C5orf34: variants seen among roughly 807,000 people sequenced by gnomAD.
C5orf34 encodes the protein uncharacterized protein C5orf34.
Under a neutral mutation model 78.4 loss-of-function variants are expected in C5orf34, and 73 were observed. The observed-to-expected ratio is 0.93, with a 90% CI of 0.77 to 1.13. The LOEUF (loss-of-function observed/expected upper bound fraction) is 1.13, where lower values mean the gene tolerates loss of function less well. C5orf34 is among the 50% of genes most tolerant of loss of function. The pLI, the probability that C5orf34 is intolerant of heterozygous loss-of-function variation, is 0.00. For synonymous variants in C5orf34, 251 were observed against 246.6 expected (o/e 1.02, Z -0.17); for missense variants, 730 against 732.7 (o/e 1.00, Z 0.04).
At chr5:43,496,328 C>T (rs1745518886) in intron 6 of C5orf34, 1 of 1,587,254 alleles carries the variant, frequency 6.3e-7, no homozygotes. Flanking sequence ...GCCTCCTTCT[C>T]AAATTTTTCA....
At chr5:43,495,450 T>G in intron 6 of C5orf34, 5 of 1,610,730 alleles carry the variant, frequency 3.1e-6, no homozygotes, top group Admixed American at 1.7e-5. Context: ...AAGTCAGCTG[T>G]TTCCATTGGT....
chr5:43,505,224 TC>T (rs1181322873), intron 4 of C5orf34, among the ~76,000 whole-genome samples: 1 of 152,236 alleles, frequency 6.6e-6, no homozygotes, highest in African/African-American at 2.4e-5. Context: ...CAGAAGCCAC[TC>T]CGTGTGTACC....
chr5:43,503,626 G>T, intron 5 of C5orf34, 39 bp downstream of exon 5: 1 of 1,300,728 alleles, frequency 7.7e-7, no homozygotes, highest in Non-Finnish European at 1.1e-6. Context: ...TCAATAAACA[G>T]CTCTAACTCC....
chr5:43,506,248 T>G lies in C5orf34; in HGVS notation c.432A>C (p.Thr144=), dbSNP rs1189197067. ...LCLPRSQHEF[T]VHFLCKVSQK... ...GGCTAACTTTACACAAAAAATGTACTGTAAATTCATGCTGAGATCTGGGCA... is the reference window on the plus strand; with the variant it reads ...GGCTAACTTTACACAAAAAATGTACGGTAAATTCATGCTGAGATCTGGGCA... Residue 144 remains threonine (T), a synonymous_variant, in exon 4 of 13, where the codon ACA becomes ACC. Transcript: ENST00000306862. The G allele has an allele frequency of 6.2e-7, 1 of 1,614,200 alleles. No individual in the cohort carries two copies. Among genetic ancestry groups the G allele is most frequent in the Admixed American group, 1.7e-5 (1 of 60,030 alleles).
intron 6 of C5orf34, among the ~76,000 whole-genome samples, chr5:43,498,618 A>C (rs1745639418): frequency 6.6e-6 from 1 of 152,086 alleles, no homozygotes; most frequent in South Asian, 2.1e-4. Flanking sequence ...TCAGCAATCA[A>C]TTCTGTCTCC....
At chr5:43,495,387 C>A in intron 6 of C5orf34, 1 of 1,611,744 alleles carries the variant, frequency 6.2e-7, no homozygotes, top group South Asian at 1.1e-5. Flanking sequence ...AATATAGGGG[C>A]ATAGCCAGCG....
chr5:43,512,359 C>A (rs536482950), intron 1 of C5orf34, among the ~76,000 whole-genome samples: 4 of 152,334 alleles, frequency 2.6e-5, no homozygotes, highest in Non-Finnish European at 5.9e-5. Context: ...CTATTTCCTA[C>A]CTATAAACAG....
intron 12 of C5orf34, 39 bp downstream of exon 12, chr5:43,487,870 A>C (rs765388366): frequency 6.8e-7 from 1 of 1,460,636 alleles, no homozygotes; most frequent in African/African-American, 1.4e-5. Flanking sequence ...AATGAAAGAG[A>C]GTAATTATGT....
intron 6 of C5orf34, among the ~76,000 whole-genome samples, chr5:43,500,432 G>T (rs1023179766): frequency 1.3e-5 from 2 of 152,002 alleles, no homozygotes; most frequent in African/African-American, 4.8e-5. Context: ...GTCTTGCTCT[G>T]TCTCCTAGAC....
At chr5:43,509,749 CTTTTTGTTT>C (rs892352394) in intron 1 of C5orf34, among the ~76,000 whole-genome samples, 70 of 152,036 alleles carry the variant, frequency 4.6e-4, no homozygotes, top group African/African-American at 1.3e-3. Flanking sequence ...AATCTAATTT[CTTTTTGTTT>C]TTTTTGTTTT....
At chr5:43,488,801 A>G (rs1745161476) in intron 11 of C5orf34, among the ~76,000 whole-genome samples, 1 of 152,126 alleles carries the variant, frequency 6.6e-6, no homozygotes, top group Non-Finnish European at 1.5e-5. Context: ...GCAATGGCAT[A>G]CAACTACAAA....
chr5:43,493,484 T>C lies in C5orf34; in HGVS notation c.1314+59A>G. On this transcript the variant is annotated intron_variant, in intron 8 of 12. Transcript: ENST00000306862. ...GGAAAACTGTTTGAACTCAGAAGTA[T>C]GGATATAAACAATAAAACAATTTAA... The C allele has an allele frequency of 3.9e-6, 4 of 1,016,438 alleles. No individual in the cohort carries two copies. The South Asian group carries it at 4.2e-5, about 11-fold the overall frequency. The allele number at this position is 1,016,438 out of a possible 1,614,324, so 63.0% of individuals were successfully genotyped here. A position where few individuals can be genotyped will look rare whatever the true frequency, so the allele number is the denominator to read the frequency against.
intron 3 of C5orf34, among the ~76,000 whole-genome samples, chr5:43,508,080 A>G (rs924314413): frequency 5.0e-4 from 18 of 36,266 alleles, no homozygotes; most frequent in Admixed American, 1.6e-3. Context: ...TCCGTCTCAG[A>G]AAAAAAAAAA....
At chr5:43,494,895 A>C (rs559073145) in intron 6 of C5orf34, among the ~76,000 whole-genome samples, 1 of 152,350 alleles carries the variant, frequency 6.6e-6, no homozygotes, top group East Asian at 1.9e-4. Flanking sequence ...CACATGCAAA[A>C]AAGAAAACCA....
chr5:43,511,505 C>T (rs946319080), intron 1 of C5orf34, among the ~76,000 whole-genome samples: 22 of 151,956 alleles, frequency 1.4e-4, no homozygotes, highest in Non-Finnish European at 2.5e-4. Context: ...CCCCTCTGCC[C>T]GGCCGCCACC....
In C5orf34 at chr5:43,503,687, A is replaced by G; in HGVS notation, c.1006T>C (p.Trp336Arg). Reference protein sequence around the residue: ...YSYPELVKMVWYKGVTYRLTH... With the variant: ...YSYPELVKMVRYKGVTYRLTH... ...TACCTATATGTAACACCTTTGTACC[A>G]AACCATTTTCACTAGTTCAGGATAG... Residue 336 changes from tryptophan to arginine, a missense_variant, in exon 5 of 13, where the codon TGG (tryptophan) becomes CGG (arginine). Physicochemically the swap from Trp to Arg is moderately radical, Grantham distance 101. Transcript: ENST00000306862. The G allele has an allele frequency of 6.2e-7, 1 of 1,613,126 alleles. No individual in the cohort carries two copies. Among genetic ancestry groups the G allele is most frequent in the Non-Finnish European group, 8.5e-7 (1 of 1,179,070 alleles).
chr5:43,497,868 T>C (rs1745607540), intron 6 of C5orf34, among the ~76,000 whole-genome samples: 1 of 152,218 alleles, frequency 6.6e-6, no homozygotes. Flanking sequence ...ATTTGCACTT[T>C]CACTTTCTCT....
intron 6 of C5orf34, chr5:43,496,373 T>G: frequency 6.3e-7 from 1 of 1,593,762 alleles, no homozygotes; most frequent in South Asian, 1.1e-5. Flanking sequence ...CATTTGTAGG[T>G]CAGATGGCCA....
chr5:43,499,726 G>A (rs546615680), intron 6 of C5orf34, among the ~76,000 whole-genome samples: 72 of 152,124 alleles, frequency 4.7e-4, no homozygotes, highest in Non-Finnish European at 7.6e-4. Context: ...GTGTTCTAAC[G>A]CAAGTTTCTT....
Sources: gnomAD v4.1 joint callset for allele counts (sites outside exome capture counted in the v4.1 genomes callset) on GRCh38, gnomAD v4.1.1 for gene constraint, MANE v1.5 for transcripts, NCBI Gene and HGNC (gene_info 2026-07-23, HGNC 2026-07-21) for gene names.